HS3ST2: variants seen among roughly 807,000 people sequenced by gnomAD.
HS3ST2 encodes the protein heparan sulfate glucosamine 3-O-sulfotransferase 2.
A neutral mutation model predicts 26.3 loss-of-function variants in HS3ST2; 17 were observed. The ratio of observed to expected loss-of-function variants is 0.65; its 90% CI spans 0.44 to 0.97. The LOEUF (loss-of-function observed/expected upper bound fraction) is 0.97, where lower values mean the gene tolerates loss of function less well. HS3ST2 is among the 50% of genes least tolerant of loss of function. The pLI is 0.00. For synonymous variants in HS3ST2, 237 were observed against 219.2 expected, an observed-to-expected ratio of 1.08 and a Z score of -0.72; for missense variants, 402 against 501.2, an observed-to-expected ratio of 0.80 and a Z score of 1.89.
chr16:22,843,230 C>T (rs779918862), intron 1 of HS3ST2, among the ~76,000 whole-genome samples: 1 of 152,008 alleles, frequency 6.6e-6, no homozygotes, highest in African/African-American at 2.4e-5. Context: ...CACTGAGTGG[C>T]TCTACATTTT....
At chr16:22,829,372 G>A (rs1204155101) in intron 1 of HS3ST2, among the ~76,000 whole-genome samples, 1 of 152,160 alleles carries the variant, frequency 6.6e-6, no homozygotes, top group African/African-American at 2.4e-5. Context: ...AGGGTATTTG[G>A]TCCCATTTAG....
chr16:22,827,710 C>CTTTT (rs34248118), intron 1 of HS3ST2, among the ~76,000 whole-genome samples: 2 of 108,980 alleles, frequency 1.8e-5, no homozygotes, highest in African/African-American at 3.6e-5. Context: ...TTCTTTCTTT[C>CTTTT]TTTTTTTTTT....
chr16:22,897,057 C>T (rs1026146923), intron 1 of HS3ST2, among the ~76,000 whole-genome samples: 3 of 152,216 alleles, frequency 2.0e-5, no homozygotes, highest in Non-Finnish European at 4.4e-5. Flanking sequence ...AATCCAGTCA[C>T]CTAGCCCTCC....
At chr16:22,839,624 T>C (rs1567484332) in intron 1 of HS3ST2, among the ~76,000 whole-genome samples, 3 of 152,162 alleles carry the variant, frequency 2.0e-5, no homozygotes, top group African/African-American at 7.2e-5. Flanking sequence ...ATGCTTTTTT[T>C]TTTGTTTTTG....
chr16:22,818,709 C>T (rs1227709582), intron 1 of HS3ST2, among the ~76,000 whole-genome samples: 21 of 76,690 alleles, frequency 2.7e-4, no homozygotes, highest in African/African-American at 1.1e-3. Context: ...CCTTCCTTCC[C>T]TCCTTCCTTC....
At chr16:22,854,489 A>AT (rs1232977224) in intron 1 of HS3ST2, among the ~76,000 whole-genome samples, 2 of 151,882 alleles carry the variant, frequency 1.3e-5, no homozygotes, top group Admixed American at 6.6e-5. Flanking sequence ...ACAGATATAC[A>AT]TTTTCTATGT....
chr16:22,899,035 A>T (rs1190609990), intron 1 of HS3ST2, among the ~76,000 whole-genome samples: 1 of 152,238 alleles, frequency 6.6e-6, no homozygotes, highest in Non-Finnish European at 1.5e-5. Flanking sequence ...GAAGTGGGGC[A>T]GGCTTGCGGA....
At chr16:22,840,675 G>A (rs1037246732) in intron 1 of HS3ST2, among the ~76,000 whole-genome samples, 1 of 152,176 alleles carries the variant, frequency 6.6e-6, no homozygotes, top group Non-Finnish European at 1.5e-5. Flanking sequence ...CTGGGAGGTA[G>A]CAGCAGTTTA....
At chr16:22,894,362 G>A (rs1354926002) in intron 1 of HS3ST2, among the ~76,000 whole-genome samples, 1 of 152,164 alleles carries the variant, frequency 6.6e-6, no homozygotes, top group African/African-American at 2.4e-5. Context: ...GCAGGGCAGC[G>A]GCCTGGCTGT....
intron 1 of HS3ST2, among the ~76,000 whole-genome samples, chr16:22,884,727 TAGTC>T (rs955239353): frequency 6.7e-6 from 1 of 148,924 alleles, no homozygotes; most frequent in South Asian, 2.1e-4. Context: ...TGTAGAAAGT[TAGTC>T]AGGCTCTGAT....
intron 1 of HS3ST2, among the ~76,000 whole-genome samples, chr16:22,909,291 A>T (rs373022532): frequency 1.6e-4 from 25 of 152,194 alleles, no homozygotes; most frequent in Non-Finnish European, 2.6e-4. Context: ...AGGTGGGAGG[A>T]AAGTCCAAAC....
intron 1 of HS3ST2, among the ~76,000 whole-genome samples, chr16:22,824,604 C>T (rs1901055557): frequency 6.6e-6 from 1 of 152,128 alleles, no homozygotes; most frequent in Non-Finnish European, 1.5e-5. Flanking sequence ...ATACACAGGG[C>T]TGGGTAGGAT....
intron 1 of HS3ST2, among the ~76,000 whole-genome samples, chr16:22,899,514 C>T (rs948191128): frequency 3.3e-5 from 5 of 152,064 alleles, no homozygotes; most frequent in Admixed American, 1.3e-4. Context: ...AGCTAGAAAG[C>T]CAGTTGTCCA....
At chr16:22,914,859 C>A in intron 1 of HS3ST2, 85 bp from the exon 2 acceptor site, 1 of 1,419,250 alleles carries the variant, frequency 7.0e-7, no homozygotes, top group Non-Finnish European at 9.5e-7. Context: ...GCAACAGGCC[C>A]CTGGGTGGAA....
At chr16:22,846,914 G>A (rs539531854) in intron 1 of HS3ST2, among the ~76,000 whole-genome samples, 16 of 152,324 alleles carry the variant, frequency 1.1e-4, no homozygotes, top group East Asian at 7.7e-4. Context: ...GATACACAGC[G>A]TGGAGTTCCT....
At chr16:22,835,598 A>G (rs1436192703) in intron 1 of HS3ST2, among the ~76,000 whole-genome samples, 1 of 152,292 alleles carries the variant, frequency 6.6e-6, no homozygotes, top group East Asian at 1.9e-4. Context: ...CAGATTTTCA[A>G]TTATTTGGGC....
Position 22,814,465 on chromosome 16 carries a change from C to A in HS3ST2, c.-146C>A. 1 of 756,642 alleles carries A rather than the reference C, an allele frequency of 1.3e-6. No homozygotes were observed. The highest frequency in any genetic ancestry group is 1.9e-5 in the African/African-American group (1 of 53,192). The allele number at this position is 756,642 out of a possible 1,614,324, so 46.9% of individuals were successfully genotyped here. A position where few individuals can be genotyped will look rare whatever the true frequency, so the allele number is the denominator to read the frequency against. ...GCACTGTGCGCACCCTGGTCAGCAG[C>A]CCCCGGAGAAGACGGCGCCCCCAAC... is the stretch of plus-strand genomic sequence containing the variant. On this transcript the variant is annotated 5_prime_UTR_variant, in exon 1 of 2. Transcript: ENST00000261374.
At chr16:22,835,072 C>T (rs1245112713) in intron 1 of HS3ST2, among the ~76,000 whole-genome samples, 1 of 151,992 alleles carries the variant, frequency 6.6e-6, no homozygotes, top group Non-Finnish European at 1.5e-5. Flanking sequence ...TGGCTTGGTT[C>T]TACATTTTCA....
At chr16:22,879,971 A>C (rs1192983259) in intron 1 of HS3ST2, among the ~76,000 whole-genome samples, 1 of 152,222 alleles carries the variant, frequency 6.6e-6, no homozygotes, top group African/African-American at 2.4e-5. Flanking sequence ...AAGAACAAGA[A>C]GCCTCTGAAA....
Sources: gnomAD v4.1 joint callset for allele counts (sites outside exome capture counted in the v4.1 genomes callset) on GRCh38, gnomAD v4.1.1 for gene constraint, MANE v1.5 for transcripts, NCBI Gene and HGNC (gene_info 2026-07-23, HGNC 2026-07-21) for gene names.